TMEM248: variants seen among roughly 807,000 people sequenced by gnomAD.
TMEM248 encodes the protein UPF0458 protein C7orf42.
TMEM248 carries 9 observed loss-of-function variants against 30.3 expected under a neutral mutation model. The observed-to-expected ratio is 0.30, with a 90% CI of 0.18 to 0.52. The LOEUF (loss-of-function observed/expected upper bound fraction) is 0.52, where lower values mean the gene tolerates loss of function less well. Among genes scored for constraint, TMEM248 ranks in the 20% least tolerant of loss-of-function variants. The pLI is 0.97. For missense variants in TMEM248, 338 were observed against 403.3 expected (o/e 0.84, Z 1.39); for synonymous variants, 184 against 154.4 (o/e 1.19, Z -1.42).
chr7:66,950,908 C>T, intron 4 of TMEM248, 44 bp from the exon 5 acceptor site: 1 of 1,479,014 alleles, frequency 6.8e-7, no homozygotes, highest in Non-Finnish European at 9.0e-7. Flanking sequence ...GTGAATGACT[C>T]AGGCCACTGA....
intron 1 of TMEM248, among the ~76,000 whole-genome samples, chr7:66,925,111 C>T (rs1394120205): frequency 1.3e-5 from 2 of 152,008 alleles, no homozygotes; most frequent in African/African-American, 4.8e-5. Context: ...CCCTCCTCCT[C>T]CTGGGCTCAA....
At chr7:66,934,418 C>T (rs2129222248) in intron 1 of TMEM248, among the ~76,000 whole-genome samples, 1 of 152,242 alleles carries the variant, frequency 6.6e-6, no homozygotes, top group African/African-American at 2.4e-5. Flanking sequence ...TCAGGCAGAT[C>T]TCGAACGCCT....
intron 3 of TMEM248, among the ~76,000 whole-genome samples, chr7:66,947,022 T>C (rs1158860421): frequency 6.6e-6 from 1 of 152,142 alleles, no homozygotes; most frequent in African/African-American, 2.4e-5. Flanking sequence ...AAGCCCAGCC[T>C]GGGCACATAG....
At chr7:66,942,653 G>A (rs991491670) in intron 2 of TMEM248, among the ~76,000 whole-genome samples, 6 of 152,060 alleles carry the variant, frequency 3.9e-5, no homozygotes, top group Admixed American at 2.6e-4. Context: ...CTGCCACCAC[G>A]TCTGGCTAAT....
intron 6 of TMEM248, 28 bp downstream of exon 6, chr7:66,953,397 C>T (rs1792319374): frequency 6.2e-7 from 1 of 1,610,038 alleles, no homozygotes; most frequent in African/African-American, 1.3e-5. Context: ...TCCGGGCCAG[C>T]ATTTTACTAG....
chr7:66,941,398 A>G lies in TMEM248; in HGVS notation c.-18-450A>G, dbSNP rs1197150388. ...CGTCTCAAAAAAAAAAAAAAAGAAA[A>G]AAAAAAATTAGCCGGGCATAGTGGT... On this transcript the variant is annotated intron_variant, in intron 1 of 6. Transcript: ENST00000341567. Among the ~76,000 whole-genome samples, 4 of 150,816 alleles carry G rather than the reference A, an allele frequency of 2.7e-5. No homozygotes were observed. The East Asian group carries it at 7.8e-4, about 29-fold the overall frequency.
Position 66,950,935 on chromosome 7 carries a change from C to T in TMEM248, c.597-17C>T, listed in dbSNP as rs1792247272. ...GGCCACTGAGCACGTGTCTTTCCTC[C>T]TCCTCTTCTCCTGCAGACAGCCACC... On this transcript the variant is annotated splice_polypyrimidine_tract_variant and intron_variant, in intron 4 of 6. Transcript: ENST00000341567. 1 of 1,538,300 alleles carries T rather than the reference C, an allele frequency of 6.5e-7. No homozygotes were observed. Among genetic ancestry groups the T allele is most frequent in the African/African-American group, 1.4e-5 (1 of 72,552 alleles).
chr7:66,954,452 C>G (rs543939226), intron 6 of TMEM248, among the ~76,000 whole-genome samples: 2 of 141,146 alleles, frequency 1.4e-5, no homozygotes, highest in African/African-American at 5.3e-5. Context: ...GTGGTGCGAT[C>G]GTAGCTCATG....
Position 66,945,006 on chromosome 7 carries a change from G to T in TMEM248, c.190G>T (p.Asp64Tyr). The change falls in exon 3 of 7, where the codon GAT (aspartate) becomes TAT (tyrosine). Residue 64 changes from aspartate (D) to tyrosine (Y), a missense_variant. Physicochemically the swap from Asp to Tyr is radical, Grantham distance 160. Coordinates refer to ENST00000341567, the MANE Select transcript of TMEM248 (RefSeq NM_017994.5). ...GAATACTTTTCTGCTACGGTTCAATGATTTGGACTTGTGTGTATCAGAGAA... is the reference window on the plus strand; with the variant it reads ...GAATACTTTTCTGCTACGGTTCAATTATTTGGACTTGTGTGTATCAGAGAA... ...DWNTFLLRFN[D>Y]LDLCVSENET... 1 of 1,614,180 alleles carries T rather than the reference G, an allele frequency of 6.2e-7. No homozygotes were observed. Among genetic ancestry groups the T allele is most frequent in the South Asian group, 1.1e-5 (1 of 91,070 alleles).
intron 3 of TMEM248, 124 bp downstream of exon 3, chr7:66,945,385 T>G: frequency 7.3e-6 from 8 of 1,095,074 alleles, no homozygotes; most frequent in Non-Finnish European, 1.0e-5. Flanking sequence ...GTCTTTTTTT[T>G]GTTGAGTTTG....
At chr7:66,952,831 C>T (rs1268565090) in intron 5 of TMEM248, among the ~76,000 whole-genome samples, 5 of 152,172 alleles carry the variant, frequency 3.3e-5, no homozygotes, top group Admixed American at 3.3e-4. Flanking sequence ...AATGCAGCCT[C>T]GGCTGTCAGC....
intron 2 of TMEM248, among the ~76,000 whole-genome samples, chr7:66,942,842 A>G (rs903263237): frequency 7.0e-4 from 43 of 61,120 alleles, no homozygotes; most frequent in African/African-American, 2.8e-3. Flanking sequence ...CTCTTATTCT[A>G]TTTCCTTCTT....
intron 1 of TMEM248, among the ~76,000 whole-genome samples, chr7:66,933,005 C>G (rs528360984): frequency 1.3e-5 from 2 of 152,050 alleles, no homozygotes; most frequent in East Asian, 1.9e-4. Context: ...ACTACAACCA[C>G]GCGCCACCAC....
chr7:66,941,140 TG>T (rs1791938349), intron 1 of TMEM248, among the ~76,000 whole-genome samples: 1 of 151,740 alleles, frequency 6.6e-6, no homozygotes, highest in African/African-American at 2.4e-5. Context: ...CCCAGCACTT[TG>T]GGGGGCCAAG....
At chr7:66,951,739 G>T (rs138925054) in intron 5 of TMEM248, among the ~76,000 whole-genome samples, 1 of 151,900 alleles carries the variant, frequency 6.6e-6, no homozygotes, top group African/African-American at 2.4e-5. Context: ...GTCTAGTGGC[G>T]CAATCATAGC....
chr7:66,937,005 C>T (rs1256909428), intron 1 of TMEM248, among the ~76,000 whole-genome samples: 1 of 151,908 alleles, frequency 6.6e-6, no homozygotes, highest in Non-Finnish European at 1.5e-5. Flanking sequence ...AGATGCATTG[C>T]ATGTTGCTTT....
At chr7:66,940,942 T>G (rs1384858728) in intron 1 of TMEM248, among the ~76,000 whole-genome samples, 1 of 152,190 alleles carries the variant, frequency 6.6e-6, no homozygotes, top group East Asian at 1.9e-4. Flanking sequence ...GTAACAGTAT[T>G]TATTATAGAA....
At chr7:66,944,941 T>G (rs775485247) in intron 2 of TMEM248, 35 bp from the exon 3 acceptor site, 1 of 1,610,636 alleles carries the variant, frequency 6.2e-7, no homozygotes, top group East Asian at 2.2e-5. Flanking sequence ...AGGCGCTGCT[T>G]AACACCCATT....
At chr7:66,953,415 T>C (rs763828766) in intron 6 of TMEM248, 46 bp downstream of exon 6, 1 of 1,594,612 alleles carries the variant, frequency 6.3e-7, no homozygotes, top group Non-Finnish European at 8.6e-7. Flanking sequence ...TAGAGGTCTC[T>C]GTATACAGAA....
Sources: allele counts gnomAD v4.1 joint callset (sites outside exome capture counted in the v4.1 genomes callset), GRCh38; gene constraint gnomAD v4.1.1; transcripts MANE v1.5; gene names NCBI Gene and HGNC (gene_info 2026-07-23, HGNC 2026-07-21).